The following STPG3 variants were observed in gnomAD, a reference collection of about 807,000 sequenced individuals.
STPG3 encodes sperm-tail PG-rich repeat containing 3, also known as protein STPG3.
Under a neutral mutation model 32.5 loss-of-function variants are expected in STPG3, and 39 were observed. The ratio of observed to expected loss-of-function variants is 1.20; its 90% CI spans 0.93 to 1.57. STPG3 has a LOEUF of 1.57. Among genes scored for constraint, STPG3 ranks in the 40% most tolerant of loss-of-function variants. The probability of loss-of-function intolerance (pLI) is 0.00; values close to 1 mark genes in which losing one functional copy is unlikely to be tolerated. For missense variants in STPG3, 507 were observed against 407.6 expected (o/e 1.24, Z -2.10); for synonymous variants, 209 against 172.4 (o/e 1.21, Z -1.66).
chr9:137,252,070 GC>G lies in STPG3; in HGVS notation c.341del (p.Pro114ArgfsTer87). On this transcript the variant is annotated frameshift_variant, in exon 3 of 6. Transcript: ENST00000412566. LOFTEE classifies it high-confidence loss of function. ...VPSPTRYQVP[S>X]PSVRESSPHP... ...AGCCCCACCAGGTACCAGGTGCCGA[GC>G]CCGTCCGTACGAGAGTCCTCCCCAC... is the stretch of plus-strand genomic sequence containing the variant. 1 of 1,613,060 alleles carries G rather than the reference GC, an allele frequency of 6.2e-7. No individual in the cohort carries two copies. The highest frequency in any genetic ancestry group is 2.2e-5 in the East Asian group (1 of 44,890).
intron 1 of STPG3, among the ~76,000 whole-genome samples, 161 bp from the exon 2 acceptor site, chr9:137,251,577 G>A (rs868403122): frequency 2.0e-5 from 3 of 149,910 alleles, no homozygotes; most frequent in Non-Finnish European, 4.4e-5. Context: ...GGGGACAGGC[G>A]GCTGGGAGCG....
At position 137,251,913 on chromosome 9, in the gene STPG3, C is replaced by T. The variant is rs1837343917; in HGVS notation, c.268+18C>T. On this transcript the variant is annotated intron_variant, in intron 2 of 5. Coordinates refer to ENST00000412566, the MANE Select transcript of STPG3 (RefSeq NM_001004353.4). Reference sequence around the variant, plus strand: ...GGAACTATGTGAGTGAGGGTCCTGGCCACCCCACCCCCAAGCTGGTCTTTG... The same window carrying T: ...GGAACTATGTGAGTGAGGGTCCTGGTCACCCCACCCCCAAGCTGGTCTTTG... 6.2e-7 allele frequency: 1 copy of T among 1,601,766 alleles called. No homozygotes were observed. The highest frequency in any genetic ancestry group is 1.1e-5 in the South Asian group (1 of 89,266).
In STPG3 at chr9:137,252,983, G is replaced by C. The variant is rs758473564; in HGVS notation, c.796+18G>C. On this transcript the variant is annotated intron_variant, in intron 5 of 5. Transcript: ENST00000412566. Reference sequence around the variant, plus strand: ...CAGCACCTGTAAGGAGGCCTGGAGAGAAGAGGGCTAGGGATGGGGCATGGG... The same window carrying C: ...CAGCACCTGTAAGGAGGCCTGGAGACAAGAGGGCTAGGGATGGGGCATGGG... 2.5e-5 allele frequency: 40 copies of C among 1,584,394 alleles called. 2 individuals are homozygous for C. The South Asian group carries it at 4.6e-4, about 18-fold the overall frequency.
At position 137,251,302 on chromosome 9, in the gene STPG3, C is replaced by A; in HGVS notation, c.16C>A (p.Gln6Lys). ...GGAGACTCTGATGATGAATTCTGAC[C>A]AGAAGGCAGTGAAATTCCTGGCAAA... is the stretch of plus-strand genomic sequence containing the variant. MMNSD[Q>K]KAVKFLANFY... Residue 6 changes from glutamine to lysine, a missense_variant, in exon 1 of 6, where the codon CAG becomes AAG. By Grantham distance (53) the Gln-to-Lys change is moderately conservative (BLOSUM62 1). Transcript: ENST00000412566. 6.2e-7 allele frequency: 1 copy of A among 1,612,344 alleles called. No homozygotes were observed.
In STPG3 at chr9:137,252,283, G is replaced by A. The variant is rs1837375906; in HGVS notation, c.403+148G>A. ...CTCTAGGCTCAGCACCTGTAAGGAGGCCTGGAGAGAGGAGGGCTAGGGCTG... is the reference window on the plus strand; with the variant it reads ...CTCTAGGCTCAGCACCTGTAAGGAGACCTGGAGAGAGGAGGGCTAGGGCTG... On this transcript the variant is annotated intron_variant, in intron 3 of 5. Coordinates refer to ENST00000412566, the MANE Select transcript of STPG3 (RefSeq NM_001004353.4). 2.4e-5 allele frequency: 33 copies of A among 1,348,986 alleles called. 1 individual carries two copies. The South Asian group carries it at 4.4e-4, about 18-fold the overall frequency. 83.6% of individuals were successfully genotyped at this position (1,348,986 alleles called of 1,614,324 possible).
chr9:137,252,928 G>A lies in STPG3; in HGVS notation c.759G>A (p.Met253Ile). ...LQSPRSPAFS[M>I]SRSPAFTSWL... Reference sequence around the variant, plus strand: ...GCCCCCGCTCGCCGGCCTTCTCGATGAGCCGCTCCCCTGCGTTCACCTCCT... The same window carrying A: ...GCCCCCGCTCGCCGGCCTTCTCGATAAGCCGCTCCCCTGCGTTCACCTCCT... Residue 253 changes from methionine (M) to isoleucine (I), a missense_variant, in exon 5 of 6, where the codon ATG becomes ATA. By Grantham distance (10) the Met-to-Ile change is conservative (BLOSUM62 1). Transcript: ENST00000412566. The A allele has an allele frequency of 6.2e-7, 1 of 1,600,790 alleles. No individual in the cohort carries two copies. The highest frequency in any genetic ancestry group is 8.5e-7 in the Non-Finnish European group (1 of 1,174,366).
chr9:137,251,319 C>T lies in STPG3; in HGVS notation c.33C>T (p.Phe11=). The T allele has an allele frequency of 6.2e-7, 1 of 1,613,628 alleles. No homozygotes were observed. Among genetic ancestry groups the T allele is most frequent in the Non-Finnish European group, 8.5e-7 (1 of 1,179,662 alleles). MMNSDQKAVK[F]LANFYINGGK... ...ATTCTGACCAGAAGGCAGTGAAATT[C>T]CTGGCAAATTTTTACATCAATGGAG... Residue 11 remains phenylalanine, a synonymous_variant, in exon 1 of 6, where the codon TTC becomes TTT. Transcript: ENST00000412566.
intron 3 of STPG3, 148 bp downstream of exon 3, chr9:137,252,283 G>C: frequency 7.4e-7 from 1 of 1,349,104 alleles, no homozygotes; most frequent in Non-Finnish European, 1.0e-6. Context: ...CTGTAAGGAG[G>C]CCTGGAGAGA....
Position 137,252,455 on chromosome 9 carries a change from C to T in STPG3, c.422C>T (p.Ala141Val). The T allele has an allele frequency of 6.2e-7, 1 of 1,610,936 alleles. No individual in the cohort carries two copies. Among genetic ancestry groups the T allele is most frequent in the Non-Finnish European group, 8.5e-7 (1 of 1,178,820 alleles). Residue 141 changes from alanine to valine, a missense_variant, in exon 4 of 6, where the codon GCA (alanine) becomes GTA (valine). Transcript: ENST00000412566. ...HQGREGGGRR[A>V]WQTLWFQSES... ...ACTACAGAGGGCGGTGGCCGCAGGG[C>T]ATGGCAGACTTTGTGGTTCCAGAGC...
chr9:137,252,166 C>A (rs199636581), intron 3 of STPG3, 31 bp downstream of exon 3: 2 of 1,586,770 alleles, frequency 1.3e-6, no homozygotes, highest in Non-Finnish European at 1.7e-6. Context: ...GCCCAACCAC[C>A]GGGCCTGTCC....
At position 137,252,439 on chromosome 9, in the gene STPG3, G is replaced by A. The variant is rs199654027; in HGVS notation, c.406G>A (p.Gly136Ser). Residue 136 changes from glycine to serine, a missense_variant and splice_region_variant, in exon 4 of 6, where the codon GGC (glycine) becomes AGC (serine). Physicochemically the swap from Gly to Ser is moderately conservative, Grantham distance 56. Coordinates refer to ENST00000412566, the MANE Select transcript of STPG3 (RefSeq NM_001004353.4). ...SIGCKHQGRE[G>S]GGRRAWQTLW... ...CTCTCTCCATCCTCCAACTACAGAG[G>A]GCGGTGGCCGCAGGGCATGGCAGAC... The A allele has an allele frequency of 2.5e-4, 402 of 1,610,124 alleles. No individual in the cohort carries two copies. The highest frequency in any genetic ancestry group is 3.0e-4 in the Non-Finnish European group (353 of 1,178,446).
At chr9:137,252,407 G>A in intron 3 of STPG3, 30 bp from the exon 4 acceptor site, 2 of 1,599,100 alleles carry the variant, frequency 1.3e-6, no homozygotes, top group South Asian at 1.1e-5. Flanking sequence ...GGGGCTCCCA[G>A]CCTTCTCTCT....
Position 137,253,359 on chromosome 9 carries a change from C to T in STPG3, c.*114C>T, listed in dbSNP as rs750292854. On this transcript the variant is annotated 3_prime_UTR_variant, in exon 6 of 6. Transcript: ENST00000412566. Reference sequence around the variant, plus strand: ...GGCCCCAGCCTGGCCTTCTGACCCTCTGGGCACCCCGATGCACCCTTCTGG... The same window carrying T: ...GGCCCCAGCCTGGCCTTCTGACCCTTTGGGCACCCCGATGCACCCTTCTGG... 10 of 1,540,906 alleles carry T rather than the reference C, an allele frequency of 6.5e-6. No homozygotes were observed. Among genetic ancestry groups the T allele is most frequent in the Non-Finnish European group, 6.1e-6 (7 of 1,144,996 alleles).
Position 137,251,406 on chromosome 9 carries a change from G to A in STPG3, c.110+10G>A, listed in dbSNP as rs765390812. On this transcript the variant is annotated intron_variant, in intron 1 of 5. Coordinates refer to ENST00000412566, the MANE Select transcript of STPG3 (RefSeq NM_001004353.4). The stretch of plus-strand genomic sequence containing the variant: ...AACCAGAGCCCACCCAGTAACTGGC[G>A]GAGAGGGGGAGAAGGGGCGGGCCAG... 8.8e-6 allele frequency: 14 copies of A among 1,594,442 alleles called. No homozygotes were observed. The East Asian group carries it at 1.3e-4, about 15-fold the overall frequency.
rs764744267 is a variant in STPG3 at position 137,252,856 on chromosome 9, C to G, written c.687C>G (p.Cys229Trp). 4.4e-6 allele frequency: 7 copies of G among 1,580,326 alleles called. No homozygotes were observed. Among genetic ancestry groups the G allele is most frequent in the Non-Finnish European group, 5.2e-6 (6 of 1,163,846 alleles). The change falls in exon 5 of 6, where the codon TGC becomes TGG. Residue 229 changes from cysteine (C) to tryptophan (W), a missense_variant. Coordinates refer to ENST00000412566, the MANE Select transcript of STPG3 (RefSeq NM_001004353.4). ...CTTTGCAGGCACCTGGCAAGAGATG[C>G]CCTGGCCCCAACACCTACAATATCC... is the stretch of plus-strand genomic sequence containing the variant. ...QASLQAPGKR[C>W]PGPNTYNILP...
At chr9:137,251,938 G>A (rs755109847) in intron 2 of STPG3, 43 bp downstream of exon 2, 3 of 1,595,792 alleles carry the variant, frequency 1.9e-6, no homozygotes, top group Non-Finnish European at 2.6e-6. Context: ...GCTGGTCTTT[G>A]GGGGGCTGTG....
At position 137,253,171 on chromosome 9, in the gene STPG3, T is replaced by TC. The variant is rs779149666; in HGVS notation, c.854dup (p.Ala286GlyfsTer97). 1.2e-5 allele frequency: 20 copies of TC among 1,604,174 alleles called. No individual in the cohort carries two copies. The highest frequency in any genetic ancestry group is 1.7e-5 in the Non-Finnish European group (20 of 1,174,394). ...GGAGGACTGCAACTCACGCTTCCCTTCGGCGCCTGGCGTGGTCATCCAGGG... is the reference window on the plus strand; with the variant it reads ...GGAGGACTGCAACTCACGCTTCCCTTCCGGCGCCTGGCGTGGTCATCCAGGG... On this transcript the variant is annotated frameshift_variant, in exon 6 of 6. Coordinates refer to ENST00000412566, the MANE Select transcript of STPG3 (RefSeq NM_001004353.4). LOFTEE classifies it high-confidence loss of function.
Position 137,252,000 on chromosome 9 carries a change from G to C in STPG3, c.269-1G>C. On this transcript the variant is annotated splice_acceptor_variant, in intron 2 of 5. Transcript: ENST00000412566. LOFTEE classifies it high-confidence loss of function. ...GCCCAGAGCTTGCTTCCTGTGGCCA[G>C]TGCTGGAGCAACGCCCCCTGATCAC... The C allele has an allele frequency of 6.2e-7, 1 of 1,610,320 alleles. No homozygotes were observed.
Position 137,252,653 on chromosome 9 carries a change from C to A in STPG3, c.493-9C>A. 1 of 1,538,672 alleles carries A rather than the reference C, an allele frequency of 6.5e-7. No homozygotes were observed. The highest frequency in any genetic ancestry group is 2.5e-5 in the East Asian group (1 of 40,544). On this transcript the variant is annotated splice_polypyrimidine_tract_variant and intron_variant, in intron 4 of 5. Transcript: ENST00000412566. ...CCTGCCCTGCAGCCCGTCTCCTACC[C>A]CCTCGCAGTGGCCCTCGCCAGCCCA...
Sources: allele counts gnomAD v4.1 joint callset (sites outside exome capture counted in the v4.1 genomes callset), GRCh38; gene constraint gnomAD v4.1.1; transcripts MANE v1.5; gene names NCBI Gene and HGNC (gene_info 2026-07-23, HGNC 2026-07-21).